The following PIAS1 variants were observed in gnomAD, a reference collection of about 807,000 sequenced individuals.
PIAS1 encodes E3 SUMO-protein ligase PIAS1.
PIAS1 carries 6 observed loss-of-function variants against 71.3 expected under a neutral mutation model. The ratio of observed to expected loss-of-function variants is 0.08; its 90% confidence interval spans 0.05 to 0.17. PIAS1 has a LOEUF of 0.17. PIAS1 is among the 10% of genes least tolerant of loss of function. The pLI, the probability that PIAS1 is intolerant of heterozygous loss-of-function variation, is 1.00. For synonymous variants in PIAS1, 303 were observed against 292.9 expected (o/e 1.03, Z -0.35); for missense variants, 555 against 793.6 (o/e 0.70, Z 3.61).
At chr15:68,172,817 T>C (rs2092999787) in intron 8 of PIAS1, among the ~76,000 whole-genome samples, 1 of 152,178 alleles carries the variant, frequency 6.6e-6, no homozygotes, top group South Asian at 2.1e-4. Context: ...GAAGCAGATT[T>C]CCTCTTCCTG....
intron 2 of PIAS1, among the ~76,000 whole-genome samples, chr15:68,124,203 A>T (rs2092633752): frequency 6.6e-6 from 1 of 152,158 alleles, no homozygotes. Context: ...GAGAATTTGA[A>T]TCAGGGTATT....
intron 1 of PIAS1, among the ~76,000 whole-genome samples, chr15:68,080,572 A>G (rs2092220085): frequency 6.6e-6 from 1 of 152,246 alleles, no homozygotes; most frequent in Non-Finnish European, 1.5e-5. Context: ...TTGTTGACAG[A>G]TTGCTAATAG....
intron 12 of PIAS1, among the ~76,000 whole-genome samples, chr15:68,182,486 G>T (rs1205270950): frequency 6.2e-5 from 1 of 16,092 alleles, no homozygotes. Context: ...TATTGCTCAG[G>T]CTGCGTGTGT....
intron 7 of PIAS1, among the ~76,000 whole-genome samples, chr15:68,158,137 A>G (rs2092903161): frequency 6.6e-6 from 1 of 152,130 alleles, no homozygotes; most frequent in African/African-American, 2.4e-5. Context: ...TAAAAACTCC[A>G]AGTATGTTAG....
At position 68,074,091 on chromosome 15, in the gene PIAS1, G is replaced by A. The variant is rs547260624; in HGVS notation, c.25-12215G>A. 1.3e-3 allele frequency among the ~76,000 whole-genome samples: 191 copies of A among 152,238 alleles called. 2 individuals carry two copies. Among genetic ancestry groups the A allele is most frequent in the Non-Finnish European group, 3.2e-4 (22 of 68,020 alleles). ...GAATATGTTGAGTTGATGACTCTTG[G>A]GATATAAGGAGAGGTGTTTAGCAGA... On this transcript the variant is annotated intron_variant, in intron 1 of 13. Transcript: ENST00000249636.
intron 2 of PIAS1, among the ~76,000 whole-genome samples, chr15:68,090,892 T>C (rs2140987061): frequency 6.6e-6 from 1 of 151,844 alleles, no homozygotes; most frequent in Admixed American, 6.6e-5. Context: ...ACTTTTAAAA[T>C]ACTTCTGTGG....
Position 68,187,447 on chromosome 15 carries a change from C to T in PIAS1, c.1663-95C>T, listed in dbSNP as rs1356605816. 8.9e-7 allele frequency: 1 copy of T among 1,127,822 alleles called. No individual in the cohort carries two copies. Among genetic ancestry groups the T allele is most frequent in the African/African-American group, 1.6e-5 (1 of 64,484 alleles). The allele number at this position is 1,127,822 out of a possible 1,614,324, so 69.9% of individuals were successfully genotyped here. On this transcript the variant is annotated intron_variant, in intron 13 of 13. Coordinates refer to ENST00000249636, the MANE Select transcript of PIAS1 (RefSeq NM_016166.3). The surrounding 1 kb of genome is among the most constrained non-coding windows in gnomAD (Gnocchi z 5.3). ...ATTTCAGAAACCCTAGATACTCAGG[C>T]TATCTTAAATTTAGGGCTGTGTCCC...
intron 2 of PIAS1, among the ~76,000 whole-genome samples, chr15:68,128,284 A>G (rs978633051): frequency 2.0e-5 from 3 of 152,168 alleles, no homozygotes; most frequent in African/African-American, 7.2e-5. Flanking sequence ...CTCCTGCCTC[A>G]GCCTCCTGAG....
In PIAS1 at chr15:68,193,405, C is replaced by T. The variant is rs182616278; in HGVS notation, c.*5570C>T. 1 of 152,620 alleles carries T rather than the reference C, an allele frequency of 6.6e-6. No homozygotes were observed. The highest frequency in any genetic ancestry group is 1.5e-5 in the Non-Finnish European group (1 of 68,260). The allele number at this position is 152,620 out of a possible 1,614,324, so 9.5% of individuals were successfully genotyped here. A position where few individuals can be genotyped will look rare whatever the true frequency, so the allele number is the denominator to read the frequency against. On this transcript the variant is annotated 3_prime_UTR_variant, in exon 14 of 14. Coordinates refer to ENST00000249636, the MANE Select transcript of PIAS1 (RefSeq NM_016166.3). ...TGTGTTTATGAATGAATAGCCTGAG[C>T]TATGTCACTATATCTGTTGAGATGG...
At chr15:68,063,231 G>A (rs1484578008) in intron 1 of PIAS1, among the ~76,000 whole-genome samples, 3 of 152,170 alleles carry the variant, frequency 2.0e-5, no homozygotes, top group Non-Finnish European at 4.4e-5. Flanking sequence ...GAGCAAGCCT[G>A]TTTTTAAAAA....
At chr15:68,099,019 C>T (rs1567041162) in intron 2 of PIAS1, among the ~76,000 whole-genome samples, 1 of 152,014 alleles carries the variant, frequency 6.6e-6, no homozygotes, top group Non-Finnish European at 1.5e-5. Flanking sequence ...TCCTCCTGTG[C>T]CTTCAACGAT....
At chr15:68,085,091 G>A (rs2092267308) in intron 1 of PIAS1, among the ~76,000 whole-genome samples, 1 of 152,200 alleles carries the variant, frequency 6.6e-6, no homozygotes, top group East Asian at 1.9e-4. Flanking sequence ...TAGAGAATTG[G>A]CTGGGGTTAT....
intron 2 of PIAS1, among the ~76,000 whole-genome samples, chr15:68,132,948 A>G (rs192780726): frequency 1.3e-3 from 198 of 151,838 alleles, no homozygotes; most frequent in African/African-American, 4.6e-3. Context: ...ATTTTTAATT[A>G]ATTTCAGTTT....
intron 2 of PIAS1, among the ~76,000 whole-genome samples, chr15:68,091,777 C>T (rs1023322333): frequency 6.6e-6 from 1 of 152,204 alleles, no homozygotes; most frequent in African/African-American, 2.4e-5. Flanking sequence ...GACATAACAT[C>T]TAACACAAGT....
intron 8 of PIAS1, among the ~76,000 whole-genome samples, chr15:68,170,788 G>C (rs2092986371): frequency 6.6e-6 from 1 of 151,892 alleles, no homozygotes; most frequent in South Asian, 2.1e-4. Flanking sequence ...TCCCAGACGT[G>C]TGCCACCATG....
At chr15:68,151,500 T>C (rs1202877899) in intron 6 of PIAS1, among the ~76,000 whole-genome samples, 4 of 151,924 alleles carry the variant, frequency 2.6e-5, no homozygotes, top group African/African-American at 9.7e-5. Flanking sequence ...AAGTAAATAA[T>C]AATGGTGAAT....
chr15:68,115,463 T>G (rs965536563), intron 2 of PIAS1, among the ~76,000 whole-genome samples: 1 of 152,166 alleles, frequency 6.6e-6, no homozygotes, highest in African/African-American at 2.4e-5. Flanking sequence ...TTGTAGATTC[T>G]ATTGAATTTT....
Position 68,192,060 on chromosome 15 carries a change from G to A in PIAS1, c.*4225G>A, listed in dbSNP as rs1198588821. On this transcript the variant is annotated 3_prime_UTR_variant, in exon 14 of 14. Coordinates refer to ENST00000249636, the MANE Select transcript of PIAS1 (RefSeq NM_016166.3). The stretch of plus-strand genomic sequence containing the variant: ...AATATAGACATAGAAAAGCTTTGAC[G>A]GAAAGTACCCTCATTTATTATATCC... 1 of 152,158 alleles carries A rather than the reference G, an allele frequency of 6.6e-6. No individual in the cohort carries two copies. The highest frequency in any genetic ancestry group is 6.5e-5 in the Admixed American group (1 of 15,270). The allele number at this position is 152,158 out of a possible 1,614,324, so 9.4% of individuals were successfully genotyped here.
rs892561702 is a variant in PIAS1, at chr15:68,188,385, A to G, written c.*550A>G. On this transcript the variant is annotated 3_prime_UTR_variant, in exon 14 of 14. Coordinates refer to ENST00000249636, the MANE Select transcript of PIAS1 (RefSeq NM_016166.3). ...TTATAAAGCTCATCTGTCCCGCTGCATTCCCTGTGTATTTTCAGGACATGG... is the reference window on the plus strand; with the variant it reads ...TTATAAAGCTCATCTGTCCCGCTGCGTTCCCTGTGTATTTTCAGGACATGG... The G allele has an allele frequency of 2.0e-5, 3 of 153,788 alleles. No individual in the cohort carries two copies. Among genetic ancestry groups the G allele is most frequent in the Admixed American group, 1.9e-4 (3 of 15,568 alleles). 9.5% of individuals were successfully genotyped at this position (153,788 alleles called of 1,614,324 possible). A position where few individuals can be genotyped will look rare whatever the true frequency, so the allele number is the denominator to read the frequency against.
Sources: gnomAD v4.1 joint callset for allele counts (sites outside exome capture counted in the v4.1 genomes callset) on GRCh38, gnomAD v4.1.1 for gene constraint, Gnocchi (gnomAD v3.1) non-coding constraint, MANE v1.5 for transcripts, NCBI Gene and HGNC (gene_info 2026-07-23, HGNC 2026-07-21) for gene names.